The following TMEM132B variants were observed in gnomAD, a reference collection of about 807,000 sequenced individuals.
TMEM132B encodes the protein transmembrane protein 132B.
Under a neutral mutation model 90.8 loss-of-function variants are expected in TMEM132B, and 18 were observed. The ratio of observed to expected loss-of-function variants is 0.20; its 90% CI spans 0.14 to 0.29. The LOEUF (loss-of-function observed/expected upper bound fraction) is 0.29, where lower values mean the gene tolerates loss of function less well. Ranked by LOEUF, TMEM132B falls within the 10% of genes least tolerant of loss-of-function variation. The pLI is 1.00. For synonymous variants in TMEM132B, 504 were observed against 523.3 expected (o/e 0.96, Z 0.50); for missense variants, 1,096 against 1,326.8 (o/e 0.83, Z 2.70).
chr12:125,391,039 TAGTGTG>T (rs57445764), intron 2 of TMEM132B, among the ~76,000 whole-genome samples: 2,540 of 143,584 alleles, frequency 0.018, 23 homozygotes, highest in African/African-American at 0.023. Context: ...TACTAAAGAA[TAGTGTG>T]TGTGTGTGTG....
At chr12:125,352,158 A>G (rs575462517) in intron 2 of TMEM132B, among the ~76,000 whole-genome samples, 72 of 152,352 alleles carry the variant, frequency 4.7e-4, no homozygotes, top group Middle Eastern at 3.4e-3. Context: ...AGGCTCTCAC[A>G]TGATAGTCTG....
Position 125,492,282 on chromosome 12 carries a change from T to G in TMEM132B, c.1107-27157T>G, listed in dbSNP as rs1882376981. Among the ~76,000 whole-genome samples the G allele has an allele frequency of 6.6e-6, 1 of 152,216 alleles. No individual in the cohort carries two copies. The highest frequency in any genetic ancestry group is 2.4e-5 in the African/African-American group (1 of 41,456). On this transcript the variant is annotated intron_variant, in intron 3 of 8. Coordinates refer to ENST00000682704, the MANE Select transcript of TMEM132B (RefSeq NM_001366854.1). This position sits in a 1 kb window ranked among gnomAD's most constrained non-coding sequence, Gnocchi z 5.8. ...GGCAGCTCAGCCTTCCTCGTCTGTCTCTTGAAGTGACTGCTGCTCACCATT... is the reference window on the plus strand; with the variant it reads ...GGCAGCTCAGCCTTCCTCGTCTGTCGCTTGAAGTGACTGCTGCTCACCATT...
chr12:125,606,213 A>G (rs990610052), intron 5 of TMEM132B, among the ~76,000 whole-genome samples: 3 of 151,804 alleles, frequency 2.0e-5, no homozygotes, highest in Admixed American at 6.6e-5. Flanking sequence ...GGAGAACATG[A>G]CTCTCCATGA....
intron 1 of TMEM132B, among the ~76,000 whole-genome samples, chr12:125,244,634 G>A (rs1874167613): frequency 6.6e-6 from 1 of 152,350 alleles, no homozygotes; most frequent in Non-Finnish European, 1.5e-5. Flanking sequence ...CAGCGAAGTG[G>A]TTCCGACTGT....
intron 4 of TMEM132B, among the ~76,000 whole-genome samples, chr12:125,534,049 C>T (rs1279157165): frequency 6.6e-6 from 1 of 152,020 alleles, no homozygotes; most frequent in East Asian, 1.9e-4. Context: ...CGCAAGTGGC[C>T]GGCGAACTTC....
chr12:125,624,142 T>C (rs1331144742), intron 5 of TMEM132B, among the ~76,000 whole-genome samples: 1 of 152,148 alleles, frequency 6.6e-6, no homozygotes, highest in Non-Finnish European at 1.5e-5. Flanking sequence ...CCAGCCAAGG[T>C]CCAATCATGG....
intron 1 of TMEM132B, among the ~76,000 whole-genome samples, chr12:125,232,932 G>A (rs1873858505): frequency 6.6e-6 from 1 of 152,126 alleles, no homozygotes; most frequent in Admixed American, 6.5e-5. Flanking sequence ...TTTCCCAAGA[G>A]TCTCAACTTC....
At chr12:125,233,674 C>T (rs1222632792) in intron 1 of TMEM132B, among the ~76,000 whole-genome samples, 4 of 152,232 alleles carry the variant, frequency 2.6e-5, no homozygotes, top group African/African-American at 9.6e-5. Context: ...AAAATATCTT[C>T]TAGGACCAGG....
In TMEM132B at chr12:125,465,460, C is replaced by T. The variant is rs1002963891; in HGVS notation, c.1106+49783C>T. On this transcript the variant is annotated intron_variant, in intron 3 of 8. Coordinates refer to ENST00000682704, the MANE Select transcript of TMEM132B (RefSeq NM_001366854.1). ...AATGCATTATGACTTTGTGTGTCTA[C>T]CTGGTATCTAGAAATGAACTGCTCA... is the stretch of plus-strand genomic sequence containing the variant. 4.6e-5 allele frequency among the ~76,000 whole-genome samples: 7 copies of T among 152,298 alleles called. No individual in the cohort carries two copies. In the East Asian group the frequency reaches 9.7e-4, roughly 21 times the overall value.
intron 2 of TMEM132B, among the ~76,000 whole-genome samples, chr12:125,410,913 TGAGTG>T (rs777335772): frequency 6.8e-4 from 5 of 7,344 alleles, no homozygotes; most frequent in Admixed American, 1.2e-3. Context: ...TGGAGTGGAG[TGAGTG>T]GAGTGGAGTG....
chr12:125,288,120 A>T (rs112284330), intron 1 of TMEM132B, among the ~76,000 whole-genome samples: 20,718 of 149,352 alleles, frequency 0.14, 1,596 homozygotes, highest in African/African-American at 0.2. Flanking sequence ...GTGATCCGCC[A>T]GCCTTGCGCT....
intron 4 of TMEM132B, among the ~76,000 whole-genome samples, chr12:125,540,347 T>C (rs1387407730): frequency 1.3e-5 from 2 of 152,220 alleles, no homozygotes; most frequent in Non-Finnish European, 2.9e-5. Context: ...TTTGTTCAAG[T>C]CTGCTAAGTC....
chr12:125,234,702 G>A (rs979053674), intron 1 of TMEM132B, among the ~76,000 whole-genome samples: 3 of 152,150 alleles, frequency 2.0e-5, no homozygotes, highest in African/African-American at 2.4e-5. Context: ...GATCAGATAG[G>A]TCCTTGGCGC....
At chr12:125,486,365 A>G (rs531083305) in intron 3 of TMEM132B, among the ~76,000 whole-genome samples, 1 of 152,326 alleles carries the variant, frequency 6.6e-6, no homozygotes, top group African/African-American at 2.4e-5. Context: ...AGTAAGGTCT[A>G]TGGTGTTAAA....
At chr12:125,232,336 A>G (rs1873847504) in intron 1 of TMEM132B, among the ~76,000 whole-genome samples, 1 of 152,184 alleles carries the variant, frequency 6.6e-6, no homozygotes, top group Admixed American at 6.5e-5. Flanking sequence ...TGAAGAAGAT[A>G]GAAGTTTGAA....
At chr12:125,639,954 G>C (rs1229236195) in intron 5 of TMEM132B, among the ~76,000 whole-genome samples, 3 of 152,182 alleles carry the variant, frequency 2.0e-5, no homozygotes, top group Non-Finnish European at 2.9e-5. Flanking sequence ...GGGGGGTCCA[G>C]GTGGGCTGGT....
In TMEM132B at chr12:125,308,242, A is replaced by C. The variant is rs139871741; in HGVS notation, c.68-41210A>C. Among the ~76,000 whole-genome samples the C allele has an allele frequency of 7.3e-3, 1,110 of 151,762 alleles. 16 individuals carry two copies. Among genetic ancestry groups the C allele is most frequent in the African/African-American group, 0.026 (1,058 of 41,412 alleles). The stretch of plus-strand genomic sequence containing the variant: ...GTATTTTAAAAAAGATATACTTTAC[A>C]TAATATTTTTGCAACTTGCCTATTT... On this transcript the variant is annotated intron_variant, in intron 1 of 8. Coordinates refer to ENST00000682704, the MANE Select transcript of TMEM132B (RefSeq NM_001366854.1).
At chr12:125,196,003 G>A (rs146762948) in intron 1 of TMEM132B, among the ~76,000 whole-genome samples, 80 of 152,298 alleles carry the variant, frequency 5.3e-4, no homozygotes, top group African/African-American at 1.9e-3. Context: ...TACTCTGAGT[G>A]AGATGGGAGC....
chr12:125,657,424 A>G lies in TMEM132B; in HGVS notation c.*2714A>G, dbSNP rs567125501. 3 of 152,074 alleles carry G rather than the reference A, an allele frequency of 2.0e-5. No homozygotes were observed. The highest frequency in any genetic ancestry group is 4.8e-5 in the African/African-American group (2 of 41,464). 9.4% of individuals were successfully genotyped at this position (152,074 alleles called of 1,614,324 possible). ...TAGTAAGAATCAACAGTGACTGTCA[A>G]TTGTTCTCAGATTTGGCATGGATAC... On this transcript the variant is annotated 3_prime_UTR_variant, in exon 9 of 9. Transcript: ENST00000682704.
Sources: allele counts gnomAD v4.1 joint callset (sites outside exome capture counted in the v4.1 genomes callset), GRCh38; gene constraint gnomAD v4.1.1; non-coding constraint Gnocchi (gnomAD v3.1); transcripts MANE v1.5; gene names NCBI Gene and HGNC (gene_info 2026-07-23, HGNC 2026-07-21).